The following GINS2 variants were observed in gnomAD, a reference collection of about 807,000 sequenced individuals.
The protein encoded by GINS2 is DNA replication complex GINS protein PSF2.
GINS2 carries 23 observed loss-of-function variants against 21.2 expected under a neutral mutation model. The ratio of observed to expected loss-of-function variants is 1.08; its 90% CI spans 0.78 to 1.53. The LOEUF (loss-of-function observed/expected upper bound fraction) is 1.53, where lower values mean the gene tolerates loss of function less well. Among genes scored for constraint, GINS2 ranks in the 40% most tolerant of loss-of-function variants. The pLI is 0.00. For missense variants in GINS2, 323 were observed against 233.9 expected, an observed-to-expected ratio of 1.38 and a Z score of -2.49; for synonymous variants, 118 against 85.6, an observed-to-expected ratio of 1.38 and a Z score of -2.09.
chr16:85,688,856 C>A lies in GINS2; in HGVS notation c.43G>T (p.Val15Phe), dbSNP rs766263615. ...AGACTGAAGTTGGGGATAATGGTAA[C>A]CAGCTCCTTCTCGGCGAGGAATTCG... ...EVEFLAEKEL[V>F]TIIPNFSLDK... The change falls in exon 1 of 5, where the codon GTT becomes TTT. Residue 15 changes from valine to phenylalanine, a missense_variant. Coordinates refer to ENST00000253462, the MANE Select transcript of GINS2 (RefSeq NM_016095.3). 1 of 1,545,228 alleles carries A rather than the reference C, an allele frequency of 6.5e-7. No individual in the cohort carries two copies. The highest frequency in any genetic ancestry group is 1.7e-4 in the Middle Eastern group (1 of 5,976).
intron 2 of GINS2, among the ~76,000 whole-genome samples, chr16:85,687,227 A>C (rs1041335954): frequency 1.3e-5 from 2 of 152,258 alleles, no homozygotes; most frequent in African/African-American, 4.8e-5. Flanking sequence ...CTCAAAAAAC[A>C]AACTACAACT....
At chr16:85,685,428 C>G (rs774037512) in intron 2 of GINS2, among the ~76,000 whole-genome samples, 30 of 151,904 alleles carry the variant, frequency 2.0e-4, no homozygotes, top group Non-Finnish European at 3.5e-4. Context: ...GTAATCCCAG[C>G]ACTCTGAGAG....
intron 2 of GINS2, among the ~76,000 whole-genome samples, chr16:85,684,971 T>C (rs1346307016): frequency 1.3e-5 from 2 of 152,022 alleles, no homozygotes; most frequent in African/African-American, 4.8e-5. Flanking sequence ...TATTTTTTAG[T>C]AGAGACAGGG....
chr16:85,688,527 CAG>C (rs1567794151), intron 1 of GINS2, among the ~76,000 whole-genome samples: 1 of 152,210 alleles, frequency 6.6e-6, no homozygotes, highest in Admixed American at 6.5e-5. Flanking sequence ...GCCTGGGCGA[CAG>C]AGTGACACTC....
Position 85,677,916 on chromosome 16 carries a change from C to A in GINS2, c.*296G>T. The A allele has an allele frequency of 3.6e-6, 1 of 275,150 alleles. No homozygotes were observed. Among genetic ancestry groups the A allele is most frequent in the Non-Finnish European group, 6.9e-6 (1 of 144,362 alleles). The allele number at this position is 275,150 out of a possible 1,614,324, so 17.0% of individuals were successfully genotyped here. A position where few individuals can be genotyped will look rare whatever the true frequency, so the allele number is the denominator to read the frequency against. ...TGTGATGGCTTCCATGCAGGAGACCCAAGTGGCTCTGCTAGGGAGAATGAC... is the reference window on the plus strand; with the variant it reads ...TGTGATGGCTTCCATGCAGGAGACCAAAGTGGCTCTGCTAGGGAGAATGAC... On this transcript the variant is annotated 3_prime_UTR_variant, in exon 5 of 5. Coordinates refer to ENST00000253462, the MANE Select transcript of GINS2 (RefSeq NM_016095.3).
At chr16:85,686,938 A>T (rs2053782359) in intron 2 of GINS2, among the ~76,000 whole-genome samples, 1 of 152,264 alleles carries the variant, frequency 6.6e-6, no homozygotes, top group African/African-American at 2.4e-5. Flanking sequence ...CTTACATTAA[A>T]ATATAGGCTG....
intron 2 of GINS2, among the ~76,000 whole-genome samples, chr16:85,685,955 A>G (rs1413381586): frequency 6.6e-6 from 1 of 151,996 alleles, no homozygotes; most frequent in Non-Finnish European, 1.5e-5. Flanking sequence ...GGTCTTTTCA[A>G]ATTCTATATG....
Position 85,681,580 on chromosome 16 carries a change from A to C in GINS2, c.305+2T>G. On this transcript the variant is annotated splice_donor_variant, in intron 3 of 4. Coordinates refer to ENST00000253462, the MANE Select transcript of GINS2 (RefSeq NM_016095.3). LOFTEE classifies it high-confidence loss of function. The stretch of plus-strand genomic sequence containing the variant: ...GGCCTCTAAGAGGTGAGATCTACTT[A>C]CTGATTTAACAGGAGCTTCGTAAGT... The C allele has an allele frequency of 6.4e-7, 1 of 1,567,196 alleles. No individual in the cohort carries two copies. Among genetic ancestry groups the C allele is most frequent in the South Asian group, 1.1e-5 (1 of 89,968 alleles).
chr16:85,678,405 GAATAAA>G, intron 4 of GINS2, 68 bp from the exon 5 acceptor site: 2 of 1,578,978 alleles, frequency 1.3e-6, no homozygotes, highest in East Asian at 4.5e-5. Flanking sequence ...AAACTCTACT[GAATAAA>G]AATAAGAAAC....
intron 2 of GINS2, among the ~76,000 whole-genome samples, chr16:85,687,052 T>C (rs1454678974): frequency 6.6e-6 from 1 of 152,110 alleles, no homozygotes; most frequent in East Asian, 1.9e-4. Flanking sequence ...CAAGACCCCA[T>C]CTCTACAAAA....
chr16:85,681,799 T>G (rs928134516), intron 2 of GINS2, 118 bp from the exon 3 acceptor site: 1 of 626,442 alleles, frequency 1.6e-6, no homozygotes, highest in Admixed American at 3.1e-5. Context: ...AGCAAATACA[T>G]GAAAAAACAT....
intron 1 of GINS2, chr16:85,687,909 G>C (rs1373380465): frequency 5.4e-6 from 1 of 186,350 alleles, no homozygotes; most frequent in African/African-American, 2.3e-5. Flanking sequence ...CGGGGAGGTG[G>C]GTCTGGGCAG....
At chr16:85,687,118 G>A (rs2053783775) in intron 2 of GINS2, among the ~76,000 whole-genome samples, 1 of 152,218 alleles carries the variant, frequency 6.6e-6, no homozygotes, top group South Asian at 2.1e-4. Context: ...CTACTTGGGA[G>A]GCTGAGGCAG....
intron 2 of GINS2, among the ~76,000 whole-genome samples, chr16:85,683,011 C>G (rs2053747185): frequency 6.6e-6 from 1 of 152,042 alleles, no homozygotes; most frequent in Non-Finnish European, 1.5e-5. Flanking sequence ...CCCCATCCCC[C>G]AAACTCCCTG....
chr16:85,679,526 G>A (rs1472437538), intron 3 of GINS2, among the ~76,000 whole-genome samples: 2 of 152,202 alleles, frequency 1.3e-5, no homozygotes, highest in East Asian at 1.9e-4. Flanking sequence ...TTTATGTAGT[G>A]AGTTTTATTT....
At position 85,678,536 on chromosome 16, in the gene GINS2, C is replaced by T. The variant is rs1017156664; in HGVS notation, c.432+4G>A. On this transcript the variant is annotated splice_donor_region_variant and intron_variant, in intron 4 of 4. Transcript: ENST00000253462. Reference sequence around the variant, plus strand: ...CACCAGCACCCAGGCAAGGCGGCACCTACCTTGGCATGTGCCTCCTGCTGT... The same window carrying T: ...CACCAGCACCCAGGCAAGGCGGCACTTACCTTGGCATGTGCCTCCTGCTGT... 1 of 1,612,402 alleles carries T rather than the reference C, an allele frequency of 6.2e-7. No homozygotes were observed. Among genetic ancestry groups the T allele is most frequent in the Middle Eastern group, 1.9e-4 (1 of 5,348 alleles).
At chr16:85,688,411 TG>T (rs1464437607) in intron 1 of GINS2, among the ~76,000 whole-genome samples, 1 of 149,644 alleles carries the variant, frequency 6.7e-6, no homozygotes, top group Non-Finnish European at 1.5e-5. Flanking sequence ...CCGGGCGTGG[TG>T]GCGGGCACCT....
At chr16:85,682,481 A>AAT (rs1380267155) in intron 2 of GINS2, among the ~76,000 whole-genome samples, 1 of 150,174 alleles carries the variant, frequency 6.7e-6, no homozygotes, top group Non-Finnish European at 1.5e-5. Context: ...GGCGTGATAC[A>AAT]ATATCCTAGG....
chr16:85,688,351 G>A (rs2053796440), intron 1 of GINS2, among the ~76,000 whole-genome samples: 2 of 152,062 alleles, frequency 1.3e-5, no homozygotes, highest in African/African-American at 4.8e-5. Flanking sequence ...TTCGAGACCA[G>A]CCTGGCCAAC....
Sources: allele counts gnomAD v4.1 joint callset (sites outside exome capture counted in the v4.1 genomes callset), GRCh38; gene constraint gnomAD v4.1.1; transcripts MANE v1.5; gene names NCBI Gene and HGNC (gene_info 2026-07-23, HGNC 2026-07-21).